Variants in ZNF578 observed in about 807,000 individuals in gnomAD.
ZNF578 encodes the protein Putative chemokine-related protein B42.
A neutral mutation model predicts 8.3 loss-of-function variants in ZNF578; 8 were observed. The ratio of observed to expected loss-of-function variants is 0.96; its 90% CI spans 0.56 to 1.74. ZNF578 has a LOEUF of 1.74. ZNF578 is among the 40% of genes most tolerant of loss of function. The pLI is 0.00. For synonymous variants in ZNF578, 206 were observed against 232.2 expected (o/e 0.89, Z 1.03); for missense variants, 726 against 707.5 (o/e 1.03, Z -0.30).
At chr19:52,479,572 A>G (rs2059319142) in intron 2 of ZNF578, among the ~76,000 whole-genome samples, 1 of 151,752 alleles carries the variant, frequency 6.6e-6, no homozygotes, top group Non-Finnish European at 1.5e-5. Flanking sequence ...AGGAAAAAAG[A>G]AACTTCTCGT....
At chr19:52,492,015 C>T (rs1265860728) in intron 3 of ZNF578, among the ~76,000 whole-genome samples, 1 of 151,564 alleles carries the variant, frequency 6.6e-6, no homozygotes, top group Non-Finnish European at 1.5e-5. Context: ...AAAAAATTAG[C>T]TGGGCTTCGT....
At chr19:52,484,616 G>A (rs1464038594) in intron 2 of ZNF578, among the ~76,000 whole-genome samples, 1 of 151,962 alleles carries the variant, frequency 6.6e-6, no homozygotes, top group East Asian at 2.0e-4. Context: ...CAGATGGCCG[G>A]TTCCTGCCTT....
At chr19:52,480,887 C>T (rs1314353609) in intron 2 of ZNF578, among the ~76,000 whole-genome samples, 1 of 146,276 alleles carries the variant, frequency 6.8e-6, no homozygotes, top group African/African-American at 2.5e-5. Flanking sequence ...CAGAGTGAGA[C>T]TCCATCTCAA....
chr19:52,459,713 A>ATGTGTGTGTG lies in ZNF578; in HGVS notation c.-122+2785_-122+2794dup, dbSNP rs1555751309. On this transcript the variant is annotated intron_variant, in intron 2 of 5. Transcript: ENST00000421239. The stretch of plus-strand genomic sequence containing the variant: ...TGGGTATGAGTGTGTATATGTAGAT[A>ATGTGTGTGTG]TGTGTGTGTGTGTGTGTGTGTGTGT... Among the ~76,000 whole-genome samples, 92 of 18,228 alleles carry ATGTGTGTGTG rather than the reference A, an allele frequency of 5.0e-3. 2 individuals carry two copies. Among genetic ancestry groups the ATGTGTGTGTG allele is most frequent in the African/African-American group, 0.012 (81 of 7,024 alleles). 12.0% of individuals were successfully genotyped at this position (18,228 alleles called of 152,430 possible). A position where few individuals can be genotyped will look rare whatever the true frequency, so the allele number is the denominator to read the frequency against.
chr19:52,496,638 G>GTTAT (rs1269200708), intron 3 of ZNF578, among the ~76,000 whole-genome samples: 9 of 125,746 alleles, frequency 7.2e-5, no homozygotes, highest in African/African-American at 2.5e-4. Context: ...CTCATTAGTT[G>GTTAT]TTATTTATTT....
intron 2 of ZNF578, among the ~76,000 whole-genome samples, chr19:52,484,356 C>A (rs148248164): frequency 6.6e-6 from 1 of 152,312 alleles, no homozygotes; most frequent in East Asian, 1.9e-4. Context: ...TGCAAAGAGG[C>A]CTTCCTTCCT....
intron 2 of ZNF578, among the ~76,000 whole-genome samples, chr19:52,475,672 A>G (rs886850185): frequency 1.3e-4 from 20 of 152,138 alleles, no homozygotes. Flanking sequence ...CAGCCAATTA[A>G]TATCCCCTAA....
chr19:52,470,078 C>T (rs991993491), intron 2 of ZNF578, among the ~76,000 whole-genome samples: 5 of 151,980 alleles, frequency 3.3e-5, no homozygotes, highest in African/African-American at 9.7e-5. Flanking sequence ...GCCCTTTTTG[C>T]GAGAGAAAAT....
intron 2 of ZNF578, chr19:52,457,800 C>T (rs1485484031): frequency 1.3e-5 from 2 of 153,242 alleles, no homozygotes; most frequent in African/African-American, 4.8e-5. Flanking sequence ...TCCCTGTACA[C>T]ATCAGGCATT....
rs371721020 is a variant in ZNF578 at position 52,512,179 on chromosome 19, C to A, written c.*25C>A. 30 of 1,613,820 alleles carry A rather than the reference C, an allele frequency of 1.9e-5. No homozygotes were observed. Among genetic ancestry groups the A allele is most frequent in the Non-Finnish European group, 2.5e-5 (29 of 1,179,906 alleles). On this transcript the variant is annotated 3_prime_UTR_variant, in exon 6 of 6. Transcript: ENST00000421239. ...GACTTCATACTGGAGAGAAACCTTA[C>A]AAATGTGAAGCATGTGACAAAGTTT...
At chr19:52,485,442 G>C (rs977023135) in intron 2 of ZNF578, among the ~76,000 whole-genome samples, 1 of 152,178 alleles carries the variant, frequency 6.6e-6, no homozygotes, top group African/African-American at 2.4e-5. Context: ...GCAGGTGCTT[G>C]TCATCTGTGC....
intron 2 of ZNF578, chr19:52,457,267 A>C (rs2059242425): frequency 6.6e-6 from 1 of 151,842 alleles, no homozygotes; most frequent in African/African-American, 2.4e-5. Context: ...TTCCATAAAA[A>C]CCCAAAAGGG....
At chr19:52,499,180 A>G (rs1488655830) in intron 3 of ZNF578, among the ~76,000 whole-genome samples, 2 of 152,228 alleles carry the variant, frequency 1.3e-5, no homozygotes, top group Non-Finnish European at 2.9e-5. Flanking sequence ...AAGCTCAGTC[A>G]GTGACACTGA....
Position 52,494,392 on chromosome 19 carries a change from T to C in ZNF578, c.-20+2967T>C, listed in dbSNP as rs72483967. Among the ~76,000 whole-genome samples, 203 of 152,212 alleles carry C rather than the reference T, an allele frequency of 1.3e-3. 6 individuals carry two copies. The East Asian group carries it at 0.035, about 26-fold the overall frequency. On this transcript the variant is annotated intron_variant, in intron 3 of 5. Coordinates refer to ENST00000421239, the MANE Select transcript of ZNF578 (RefSeq NM_001099694.2). ...TAGACCTGTAATTTCAGCTACTCTG[T>C]AGGCAGAGGCTGGAGGATCACTTGA...
At position 52,463,119 on chromosome 19, in the gene ZNF578, C is replaced by T. The variant is rs111857759; in HGVS notation, c.-122+6161C>T. Among the ~76,000 whole-genome samples, 1,520 of 152,292 alleles carry T rather than the reference C, an allele frequency of 1.0e-2. 33 individuals carry two copies. The highest frequency in any genetic ancestry group is 0.034 in the African/African-American group (1,429 of 41,546). On this transcript the variant is annotated intron_variant, in intron 2 of 5. Transcript: ENST00000421239. The stretch of plus-strand genomic sequence containing the variant: ...AATTGCATTTTTAAGGTTCGATTGG[C>T]TCGCTCAACAATCACTTGCCCTTGA...
chr19:52,504,066 G>T (rs1400392153), intron 4 of ZNF578, among the ~76,000 whole-genome samples: 1 of 151,526 alleles, frequency 6.6e-6, no homozygotes, highest in African/African-American at 2.4e-5. Flanking sequence ...AAAATGTTGG[G>T]ATTACAGGTG....
chr19:52,495,895 G>A (rs964693171), intron 3 of ZNF578, among the ~76,000 whole-genome samples: 2 of 152,014 alleles, frequency 1.3e-5, no homozygotes, highest in East Asian at 3.9e-4. Context: ...AGAGAAGTAG[G>A]GTAAGAAGTG....
chr19:52,513,883 G>A lies in ZNF578; in HGVS notation c.*1729G>A, dbSNP rs920988081. 5.9e-5 allele frequency among the ~76,000 whole-genome samples: 9 copies of A among 152,110 alleles called. No individual in the cohort carries two copies. On this transcript the variant is annotated 3_prime_UTR_variant, in exon 6 of 6. Coordinates refer to ENST00000421239, the MANE Select transcript of ZNF578 (RefSeq NM_001099694.2). ...CTACTAAAAATACAAAAGTTAGCCA[G>A]GGGTGGGGGTGTGCACCTTTAGTTC...
At chr19:52,508,748 T>C (rs1000005141) in intron 5 of ZNF578, among the ~76,000 whole-genome samples, 3 of 151,374 alleles carry the variant, frequency 2.0e-5, no homozygotes, top group African/African-American at 7.3e-5. Context: ...TGAGCTGATA[T>C]TGCATCATTG....
Sources: gnomAD v4.1 joint callset for allele counts (sites outside exome capture counted in the v4.1 genomes callset) on GRCh38, gnomAD v4.1.1 for gene constraint, MANE v1.5 for transcripts, NCBI Gene and HGNC (gene_info 2026-07-23, HGNC 2026-07-21) for gene names.